DENND5A: variants seen among roughly 807,000 people sequenced by gnomAD.
DENND5A encodes the protein DENN domain containing 5A.
In DENND5A, 64 loss-of-function variants were observed where a neutral mutation model predicts 140.3. The observed-to-expected ratio is 0.46, with a 90% CI of 0.37 to 0.56. The LOEUF is 0.56. Ranked by LOEUF, DENND5A falls within the 20% of genes least tolerant of loss-of-function variation. The probability of loss-of-function intolerance (pLI) is 0.00; values close to 1 mark genes in which losing one functional copy is unlikely to be tolerated. For synonymous variants in DENND5A, 605 were observed against 607.7 expected (o/e 1.00, Z 0.07); for missense variants, 1,292 against 1,593.8 (o/e 0.81, Z 3.22).
chr11:9,211,801 G>A (rs966065346), intron 1 of DENND5A, among the ~76,000 whole-genome samples: 4 of 151,922 alleles, frequency 2.6e-5, no homozygotes, highest in African/African-American at 7.2e-5. Flanking sequence ...GTGTGGTGGC[G>A]TGTGCCTGTA....
At chr11:9,256,075 C>A (rs1353814329) in intron 1 of DENND5A, among the ~76,000 whole-genome samples, 1 of 150,110 alleles carries the variant, frequency 6.7e-6, no homozygotes, top group East Asian at 2.0e-4. Context: ...CCAGTAATTT[C>A]ATTCCTAAGT....
intron 3 of DENND5A, among the ~76,000 whole-genome samples, chr11:9,204,555 G>A (rs1849632450): frequency 6.6e-6 from 1 of 152,144 alleles, no homozygotes; most frequent in African/African-American, 2.4e-5. Context: ...CTCAGCCTGG[G>A]AATATCAGAA....
Position 9,142,844 on chromosome 11 carries a change from C to T in DENND5A, c.3389G>A (p.Arg1130Gln), listed in dbSNP as rs1307631623. The T allele has an allele frequency of 4.3e-6, 7 of 1,613,866 alleles. No individual in the cohort carries two copies. Among genetic ancestry groups the T allele is most frequent in the South Asian group, 2.2e-5 (2 of 91,050 alleles). Residue 1130 changes from arginine (R) to glutamine (Q), a missense_variant and splice_region_variant, in exon 21 of 23, where the codon CGA (arginine) becomes CAA (glutamine). Physicochemically the swap from Arg to Gln is conservative, Grantham distance 43. Transcript: ENST00000328194. The stretch of plus-strand genomic sequence containing the variant: ...ACAGAGCAACAGCGTCAGACTGCCT[C>T]GCTACGTAAGGAAACAGGGGAGGGT... Reference protein sequence around the residue: ...VKHFHKPEKERGSLTLLLCGE... With the variant: ...VKHFHKPEKEQGSLTLLLCGE...
At chr11:9,204,362 C>T (rs370972017) in intron 3 of DENND5A, 45 bp from the exon 4 acceptor site, 27 of 1,549,192 alleles carry the variant, frequency 1.7e-5, no homozygotes, top group South Asian at 1.6e-4. Flanking sequence ...CACTCACTGG[C>T]GATCCTCTTT....
intron 1 of DENND5A, among the ~76,000 whole-genome samples, chr11:9,229,800 T>A (rs1202755040): frequency 6.6e-6 from 1 of 151,990 alleles, no homozygotes; most frequent in East Asian, 1.9e-4. Context: ...TCTACTAACA[T>A]TTCTACAGGC....
At chr11:9,183,389 T>A (rs1044571313) in intron 5 of DENND5A, among the ~76,000 whole-genome samples, 1 of 152,196 alleles carries the variant, frequency 6.6e-6, no homozygotes, top group African/African-American at 2.4e-5. Context: ...TATATATGTA[T>A]GTATGCCTTT....
At chr11:9,171,363 G>A (rs1411530337) in intron 8 of DENND5A, 1 of 152,676 alleles carries the variant, frequency 6.5e-6, no homozygotes, top group Non-Finnish European at 1.5e-5. Context: ...ATGGGGCACT[G>A]AGTAAAGTAC....
chr11:9,165,610 C>T (rs1329332550), intron 11 of DENND5A, among the ~76,000 whole-genome samples: 1 of 152,058 alleles, frequency 6.6e-6, no homozygotes, highest in Non-Finnish European at 1.5e-5. Context: ...CATCTTAATA[C>T]TTTTGTAAAG....
chr11:9,166,203 T>C lies in DENND5A; in HGVS notation c.2152-236A>G, dbSNP rs187358853. On this transcript the variant is annotated intron_variant, in intron 10 of 22. Transcript: ENST00000328194. ...AGGCAATCCTCCTGCCTCAGCCTCC[T>C]GAGTGGCTGGGACTACAGGCATGTG... Among the ~76,000 whole-genome samples the C allele has an allele frequency of 2.9e-3, 447 of 151,804 alleles. 2 individuals carry two copies. Among genetic ancestry groups the C allele is most frequent in the African/African-American group, 0.01 (422 of 41,422 alleles).
chr11:9,210,037 A>G (rs1590279679), intron 1 of DENND5A, among the ~76,000 whole-genome samples: 1 of 151,870 alleles, frequency 6.6e-6, no homozygotes, highest in African/African-American at 2.4e-5. Flanking sequence ...AACCCGGGGG[A>G]TGGAGGTTGC....
intron 12 of DENND5A, 42 bp from the exon 13 acceptor site, chr11:9,152,484 T>G: frequency 7.1e-7 from 1 of 1,413,328 alleles, no homozygotes; most frequent in Non-Finnish European, 1.0e-6. Flanking sequence ...AGTTTAGATT[T>G]CAGGGGTCAA....
At chr11:9,184,959 G>A (rs955765981) in intron 5 of DENND5A, among the ~76,000 whole-genome samples, 10 of 152,186 alleles carry the variant, frequency 6.6e-5, no homozygotes, top group African/African-American at 2.4e-4. Flanking sequence ...TGGGAGGCCA[G>A]GTGGGTGGAT....
chr11:9,240,551 A>C (rs1021213163), intron 1 of DENND5A, among the ~76,000 whole-genome samples: 1 of 152,202 alleles, frequency 6.6e-6, no homozygotes, highest in Middle Eastern at 3.4e-3. Context: ...CGCTAGAAAA[A>C]AGACAAAAAA....
At chr11:9,154,337 T>A (rs1343940107) in intron 12 of DENND5A, among the ~76,000 whole-genome samples, 1 of 152,202 alleles carries the variant, frequency 6.6e-6, no homozygotes, top group Admixed American at 6.5e-5. Context: ...CTATCTAATG[T>A]CAAAACCATT....
intron 1 of DENND5A, among the ~76,000 whole-genome samples, chr11:9,245,147 T>C (rs1180055728): frequency 1.3e-5 from 2 of 151,498 alleles, no homozygotes; most frequent in African/African-American, 4.8e-5. Flanking sequence ...TAGCTGGGCA[T>C]GGTGGCACGC....
intron 1 of DENND5A, among the ~76,000 whole-genome samples, chr11:9,225,508 C>A (rs993620005): frequency 1.3e-5 from 2 of 152,190 alleles, no homozygotes; most frequent in East Asian, 1.9e-4. Flanking sequence ...CGCCTGTAAT[C>A]CCAATGCTTG....
chr11:9,214,755 GCT>G (rs1850021617), intron 1 of DENND5A, among the ~76,000 whole-genome samples: 1 of 152,094 alleles, frequency 6.6e-6, no homozygotes, highest in South Asian at 2.1e-4. Flanking sequence ...ACGGAGTCTC[GCT>G]CTGTCACCCA....
chr11:9,207,391 G>A (rs926860845), intron 2 of DENND5A, among the ~76,000 whole-genome samples, 170 bp downstream of exon 2: 1 of 152,002 alleles, frequency 6.6e-6, no homozygotes, highest in Non-Finnish European at 1.5e-5. Context: ...AAAGTGAAGA[G>A]AGAAAGAACC....
intron 6 of DENND5A, among the ~76,000 whole-genome samples, chr11:9,180,493 G>T (rs185885983): frequency 6.6e-6 from 1 of 152,164 alleles, no homozygotes; most frequent in African/African-American, 2.4e-5. Flanking sequence ...TACTATCATG[G>T]TCTCTCCAAT....
Sources: allele counts gnomAD v4.1 joint callset (sites outside exome capture counted in the v4.1 genomes callset), GRCh38; gene constraint gnomAD v4.1.1; transcripts MANE v1.5; gene names NCBI Gene and HGNC (gene_info 2026-07-23, HGNC 2026-07-21).